The following BCAS1 variants were observed in gnomAD, a reference collection of about 807,000 sequenced individuals.
BCAS1 encodes the protein breast carcinoma-amplified sequence 1.
BCAS1 carries 46 observed loss-of-function variants against 65.4 expected under a neutral mutation model. The ratio of observed to expected loss-of-function variants is 0.70; its 90% CI spans 0.55 to 0.90. BCAS1 has a LOEUF of 0.90. Ranked by LOEUF, BCAS1 falls within the 40% of genes least tolerant of loss-of-function variation. The pLI is 0.00. For synonymous variants in BCAS1, 298 were observed against 293.5 expected, an observed-to-expected ratio of 1.02 and a Z score of -0.16; for missense variants, 793 against 771.2, an observed-to-expected ratio of 1.03 and a Z score of -0.33.
chr20:53,945,976 G>T (rs1451654566), intron 12 of BCAS1, among the ~76,000 whole-genome samples: 2 of 151,986 alleles, frequency 1.3e-5, no homozygotes, highest in Non-Finnish European at 2.9e-5. Flanking sequence ...GTCTCAATTT[G>T]TTGTCCAGGA....
chr20:54,058,610 T>A, intron 2 of BCAS1, 37 bp downstream of exon 2: 1 of 1,527,836 alleles, frequency 6.5e-7, no homozygotes, highest in Non-Finnish European at 8.7e-7. Context: ...TTTTTTTTTT[T>A]TTTCTGCTGA....
chr20:54,065,984 A>G (rs2092435548), intron 1 of BCAS1, among the ~76,000 whole-genome samples: 1 of 152,176 alleles, frequency 6.6e-6, no homozygotes, highest in South Asian at 2.1e-4. Context: ...ATATTTTTGT[A>G]GCGCCTACCT....
intron 3 of BCAS1, among the ~76,000 whole-genome samples, chr20:54,046,087 G>C (rs942649847): frequency 2.1e-4 from 32 of 152,142 alleles, no homozygotes. Flanking sequence ...ATGTTAATTG[G>C]TATGTATGTA....
chr20:54,047,438 G>C (rs981572047), intron 3 of BCAS1, among the ~76,000 whole-genome samples: 70 of 152,222 alleles, frequency 4.6e-4, no homozygotes, highest in African/African-American at 1.7e-3. Context: ...TAATGCAATA[G>C]GGAAGATAAT....
intron 8 of BCAS1, among the ~76,000 whole-genome samples, chr20:53,978,708 G>A (rs1217112780): frequency 6.6e-6 from 1 of 152,186 alleles, no homozygotes; most frequent in Non-Finnish European, 1.5e-5. Context: ...TTCTGTTAGT[G>A]GTTGTTGAAA....
At chr20:53,971,815 C>T (rs1006307297) in intron 9 of BCAS1, among the ~76,000 whole-genome samples, 2 of 152,096 alleles carry the variant, frequency 1.3e-5, no homozygotes, top group Non-Finnish European at 2.9e-5. Flanking sequence ...TTTCCATGGT[C>T]TTACAGGTTA....
intron 1 of BCAS1, 83 bp from the exon 2 acceptor site, chr20:54,058,806 A>G (rs1358330313): frequency 1.3e-6 from 2 of 1,509,190 alleles, no homozygotes; most frequent in East Asian, 2.3e-5. Flanking sequence ...CAGAGGCCTG[A>G]CAAGCCGCCC....
intron 8 of BCAS1, among the ~76,000 whole-genome samples, chr20:53,980,714 A>G (rs1450631948): frequency 1.3e-5 from 2 of 152,306 alleles, no homozygotes; most frequent in South Asian, 4.1e-4. Flanking sequence ...CTCTTTGAGC[A>G]TCTTTGAGCC....
chr20:54,039,595 G>T (rs924380926), intron 3 of BCAS1, among the ~76,000 whole-genome samples: 3 of 151,218 alleles, frequency 2.0e-5, no homozygotes, highest in Non-Finnish European at 4.4e-5. Flanking sequence ...ACAAAACTCT[G>T]GAATATGCAA....
At chr20:54,036,331 GA>G (rs1220608731) in intron 3 of BCAS1, among the ~76,000 whole-genome samples, 2 of 151,276 alleles carry the variant, frequency 1.3e-5, no homozygotes, top group Non-Finnish European at 3.0e-5. Context: ...AAGAAATCAA[GA>G]ATGACAGTAG....
intron 3 of BCAS1, among the ~76,000 whole-genome samples, chr20:54,051,207 G>C (rs1333627966): frequency 2.0e-5 from 3 of 152,160 alleles, no homozygotes; most frequent in Admixed American, 6.5e-5. Flanking sequence ...AGTGGTGTGT[G>C]GGACTAAATG....
intron 4 of BCAS1, among the ~76,000 whole-genome samples, chr20:54,024,664 A>T (rs1490743786): frequency 1.3e-5 from 2 of 149,036 alleles, no homozygotes; most frequent in African/African-American, 5.0e-5. Flanking sequence ...AGAGGGTGAG[A>T]TCCAGCAAAG....
intron 6 of BCAS1, among the ~76,000 whole-genome samples, chr20:53,993,960 C>T (rs1286137767): frequency 6.6e-6 from 1 of 152,216 alleles, no homozygotes; most frequent in African/African-American, 2.4e-5. Flanking sequence ...AACAATGCCA[C>T]ACCTTCATTC....
chr20:54,069,517 C>T (rs1309751045), intron 1 of BCAS1, among the ~76,000 whole-genome samples: 4 of 152,302 alleles, frequency 2.6e-5, no homozygotes, highest in East Asian at 1.9e-4. Flanking sequence ...ATCCCAGGCC[C>T]GACTGGACTC....
At chr20:54,058,567 A>G (rs1193856277) in intron 2 of BCAS1, 80 bp downstream of exon 2, 1 of 1,541,302 alleles carries the variant, frequency 6.5e-7, no homozygotes, top group African/African-American at 1.4e-5. Flanking sequence ...GACTTCAGTC[A>G]ACACACTTGT....
At chr20:54,038,333 A>T (rs2091933190) in intron 3 of BCAS1, among the ~76,000 whole-genome samples, 1 of 151,244 alleles carries the variant, frequency 6.6e-6, no homozygotes, top group South Asian at 2.1e-4. Context: ...CACTCTCTGA[A>T]ATGATCCCAT....
chr20:53,950,795 A>T (rs2089495232), intron 12 of BCAS1, among the ~76,000 whole-genome samples: 2 of 152,202 alleles, frequency 1.3e-5, no homozygotes, highest in African/African-American at 2.4e-5. Context: ...TGAGCCATGC[A>T]GTCTAGTCAA....
At chr20:53,981,821 C>CATGT (rs150407119) in intron 8 of BCAS1, among the ~76,000 whole-genome samples, 4 of 150,270 alleles carry the variant, frequency 2.7e-5, no homozygotes, top group South Asian at 2.1e-4. Context: ...CATGTGCGTG[C>CATGT]GTGTGTGTGT....
At chr20:53,963,704 G>A (rs1568817646) in intron 10 of BCAS1, among the ~76,000 whole-genome samples, 1 of 152,306 alleles carries the variant, frequency 6.6e-6, no homozygotes, top group East Asian at 1.9e-4. Flanking sequence ...CGATGGGCCA[G>A]ATGTTGTCTC....
Sources: gnomAD v4.1 joint callset for allele counts (sites outside exome capture counted in the v4.1 genomes callset) on GRCh38, gnomAD v4.1.1 for gene constraint, MANE v1.5 for transcripts, NCBI Gene and HGNC (gene_info 2026-07-23, HGNC 2026-07-21) for gene names.